Variants in TYW1B observed in about 807,000 individuals in gnomAD.
The protein encoded by TYW1B is tRNA-yW synthesizing protein 1 homolog B.
A neutral mutation model predicts 86.9 loss-of-function variants in TYW1B; 73 were observed. The observed-to-expected ratio is 0.84, with a 90% confidence interval of 0.70 to 1.02. TYW1B has a LOEUF of 1.02. Among genes scored for constraint, TYW1B ranks in the 50% least tolerant of loss-of-function variants. TYW1B has a pLI of 0.00. For missense variants in TYW1B, 637 were observed against 827.4 expected (o/e 0.77, Z 2.82); for synonymous variants, 248 against 292.8 (o/e 0.85, Z 1.56).
At chr7:72,675,550 T>TATATAC (rs1400334798) in intron 11 of TYW1B, among the ~76,000 whole-genome samples, 1 of 149,174 alleles carries the variant, frequency 6.7e-6, no homozygotes. Flanking sequence ...TATATATATA[T>TATATAC]ATATATACAC....
chr7:72,660,923 G>C (rs1481127252), intron 11 of TYW1B, among the ~76,000 whole-genome samples: 1 of 151,576 alleles, frequency 6.6e-6, no homozygotes. Flanking sequence ...GATCACCTGA[G>C]GTCAGGAGTT....
At chr7:72,623,531 G>A (rs569102817) in intron 12 of TYW1B, among the ~76,000 whole-genome samples, 1 of 152,172 alleles carries the variant, frequency 6.6e-6, no homozygotes, top group East Asian at 1.9e-4. Context: ...TCCTTTCATT[G>A]AAGGTGAAAG....
At chr7:72,675,787 TAATA>T (rs1248958972) in intron 11 of TYW1B, among the ~76,000 whole-genome samples, 1 of 152,078 alleles carries the variant, frequency 6.6e-6, no homozygotes, top group African/African-American at 2.4e-5. Flanking sequence ...AGCCAATTTA[TAATA>T]GATTATTCAG....
At chr7:72,756,590 G>A (rs1787594019) in intron 7 of TYW1B, among the ~76,000 whole-genome samples, 1 of 152,054 alleles carries the variant, frequency 6.6e-6, no homozygotes, top group African/African-American at 2.4e-5. Flanking sequence ...GTTTTGTATG[G>A]GGAATCTTGC....
At chr7:72,784,047 G>A (rs569527976) in intron 6 of TYW1B, among the ~76,000 whole-genome samples, 18 of 151,946 alleles carry the variant, frequency 1.2e-4, no homozygotes, top group African/African-American at 1.7e-4. Flanking sequence ...TCAAGCATTT[G>A]CCATTTATTT....
intron 4 of TYW1B, among the ~76,000 whole-genome samples, chr7:72,809,336 G>A (rs1194976075): frequency 2.0e-5 from 3 of 152,060 alleles, no homozygotes; most frequent in East Asian, 1.9e-4. Flanking sequence ...TGAGCCACCA[G>A]GCCCAGCCGA....
chr7:72,713,832 A>T (rs1218307371), intron 9 of TYW1B, 34 bp from the exon 10 acceptor site: 13 of 1,527,798 alleles, frequency 8.5e-6, no homozygotes, highest in Non-Finnish European at 1.1e-5. Context: ...CCAGCTACAT[A>T]AGGCACAGAT....
At chr7:72,776,820 A>AAT (rs1316090788) in intron 7 of TYW1B, among the ~76,000 whole-genome samples, 30 of 150,960 alleles carry the variant, frequency 2.0e-4, no homozygotes, top group East Asian at 9.7e-4. Flanking sequence ...TTAAAATACA[A>AAT]ATATATATAT....
intron 6 of TYW1B, among the ~76,000 whole-genome samples, chr7:72,787,624 A>T (rs1195652549): frequency 6.6e-6 from 1 of 151,366 alleles, no homozygotes; most frequent in Non-Finnish European, 1.5e-5. Context: ...TACAAAACTT[A>T]GCTGGTCGTG....
At chr7:72,675,128 G>T (rs1554447121) in intron 11 of TYW1B, among the ~76,000 whole-genome samples, 2 of 152,082 alleles carry the variant, frequency 1.3e-5, no homozygotes, top group South Asian at 4.2e-4. Context: ...GCCAGGTGCG[G>T]TGGCTCACAC....
intron 13 of TYW1B, among the ~76,000 whole-genome samples, chr7:72,603,184 A>T (rs1811713116): frequency 1.3e-5 from 2 of 151,176 alleles, no homozygotes; most frequent in South Asian, 4.2e-4. Flanking sequence ...GGATGGATAG[A>T]TGGATGAACA....
Position 72,784,568 on chromosome 7 carries a change from G to A in TYW1B, c.847-7035C>T, listed in dbSNP as rs1196590508. Among the ~76,000 whole-genome samples, 6 of 152,270 alleles carry A rather than the reference G, an allele frequency of 3.9e-5. 1 individual carries two copies. Among genetic ancestry groups the A allele is most frequent in the Non-Finnish European group, 8.8e-5 (6 of 68,006 alleles). ...GCTGGAGTACAGAGGCGCAATCTCG[G>A]CTCACTGAAACCTCCATCTCTCAGG... is the stretch of plus-strand genomic sequence containing the variant. On this transcript the variant is annotated intron_variant, in intron 6 of 13. Transcript: ENST00000620995.
intron 13 of TYW1B, among the ~76,000 whole-genome samples, chr7:72,602,366 G>A (rs1405703377): frequency 6.6e-6 from 1 of 152,146 alleles, no homozygotes; most frequent in African/African-American, 2.4e-5. Context: ...AGGGGAGGAG[G>A]CTAGAATGAT....
intron 9 of TYW1B, among the ~76,000 whole-genome samples, chr7:72,727,021 G>T (rs782099032): frequency 1.4e-4 from 22 of 152,102 alleles, no homozygotes; most frequent in Non-Finnish European, 2.1e-4. Context: ...TGGGGGAAAT[G>T]GCCCCCACGT....
intron 6 of TYW1B, among the ~76,000 whole-genome samples, chr7:72,801,251 C>T (rs1554475552): frequency 1.3e-5 from 2 of 152,264 alleles, no homozygotes; most frequent in Admixed American, 6.5e-5. Context: ...ATCACTTGAA[C>T]CCAGGAGGCA....
intron 5 of TYW1B, among the ~76,000 whole-genome samples, chr7:72,805,931 G>A (rs1184577123): frequency 6.6e-6 from 1 of 152,076 alleles, no homozygotes; most frequent in Non-Finnish European, 1.5e-5. Flanking sequence ...GATGACAGGA[G>A]TGTTACAGCC....
intron 6 of TYW1B, among the ~76,000 whole-genome samples, chr7:72,786,149 A>T (rs1788126258): frequency 6.6e-6 from 1 of 152,142 alleles, no homozygotes; most frequent in African/African-American, 2.4e-5. Flanking sequence ...AAAAAGAAAA[A>T]GAAAAGCCAA....
chr7:72,722,318 A>G (rs1286564213), intron 9 of TYW1B, among the ~76,000 whole-genome samples: 1 of 152,190 alleles, frequency 6.6e-6, no homozygotes, highest in Non-Finnish European at 1.5e-5. Context: ...GGTCTTTTTC[A>G]TCTTTGCAGC....
intron 11 of TYW1B, among the ~76,000 whole-genome samples, chr7:72,653,795 T>TA (rs1203726784): frequency 2.7e-5 from 4 of 148,254 alleles, no homozygotes; most frequent in Non-Finnish European, 6.0e-5. Context: ...ATAAAATCCT[T>TA]AGCAGGCCAG....
Sources: allele counts gnomAD v4.1 joint callset (sites outside exome capture counted in the v4.1 genomes callset), GRCh38; gene constraint gnomAD v4.1.1; transcripts MANE v1.5; gene names NCBI Gene and HGNC (gene_info 2026-07-23, HGNC 2026-07-21).